The following INTS11 variants were observed in gnomAD, a reference collection of about 807,000 sequenced individuals.
INTS11 encodes CPSF3-like protein.
A neutral mutation model predicts 78.6 loss-of-function variants in INTS11; 77 were observed. The observed-to-expected ratio is 0.98, with a 90% CI of 0.81 to 1.18. The LOEUF is 1.18. Among genes scored for constraint, INTS11 ranks in the 50% most tolerant of loss-of-function variants. INTS11 has a pLI of 0.00. For synonymous variants in INTS11, 441 were observed against 326.9 expected (o/e 1.35, Z -3.77); for missense variants, 875 against 825.9 (o/e 1.06, Z -0.73).
intron 1 of INTS11, chr1:1,322,889 T>C: frequency 2.4e-6 from 3 of 1,237,708 alleles, no homozygotes; most frequent in Non-Finnish European, 3.1e-6. Context: ...GCTTTGATGA[T>C]ACCTTGGCTG....
chr1:1,312,213 G>GCCCGGCCCCCCCCCCCCCC lies in INTS11; in HGVS notation c.1607+12_1607+13insGGGGGGGGGGGGGGCCGGG. 4.3e-6 allele frequency: 4 copies of GCCCGGCCCCCCCCCCCCCC among 934,522 alleles called. No individual in the cohort carries two copies. Among genetic ancestry groups the GCCCGGCCCCCCCCCCCCCC allele is most frequent in the Non-Finnish European group, 6.3e-6 (4 of 636,576 alleles). 57.9% of individuals were successfully genotyped at this position (934,522 alleles called of 1,614,324 possible). The stretch of plus-strand genomic sequence containing the variant: ...CCCAAGGGAGTGGGGGGGGGGCGGG[G>GCCCGGCCCCCCCCCCCCCC]CCGGGCGCCCACCTCTTGAGGTGGC... On this transcript the variant is annotated intron_variant, in intron 15 of 16. Transcript: ENST00000435064.
chr1:1,320,897 C>G, intron 2 of INTS11, 99 bp downstream of exon 2: 3 of 1,105,572 alleles, frequency 2.7e-6, no homozygotes, highest in Non-Finnish European at 4.2e-6. Flanking sequence ...AGCACAACCA[C>G]TGCTGCCCAC....
chr1:1,312,921 A>C lies in INTS11; in HGVS notation c.1160T>G (p.Met387Arg), dbSNP rs763060722. 7.4e-6 allele frequency: 12 copies of C among 1,612,222 alleles called. No homozygotes were observed. The highest frequency in any genetic ancestry group is 1.0e-5 in the Non-Finnish European group (12 of 1,179,542). Residue 387 changes from methionine to arginine, a missense_variant, in exon 12 of 17, where the codon ATG becomes AGG. Coordinates refer to ENST00000435064, the MANE Select transcript of INTS11 (RefSeq NM_017871.6). ...VLEVKMQVEY[M>R]SFSAHADAKG... is the part of the protein sequence containing the mutation. ...GGCGTCCGCGTGTGCGCTGAATGAC[A>C]TGTACTCCACCTGCATCTTGACCTC...
intron 3 of INTS11, chr1:1,320,159 C>T (rs976601409): frequency 8.0e-6 from 3 of 376,798 alleles, no homozygotes; most frequent in African/African-American, 2.1e-5. Context: ...ACTCTGGAAT[C>T]GCCAACAAGA....
Position 1,324,651 on chromosome 1 carries a change from G to A in INTS11, c.-43C>T, listed in dbSNP as rs1011817701. 3 of 1,594,056 alleles carry A rather than the reference G, an allele frequency of 1.9e-6. No homozygotes were observed. Among genetic ancestry groups the A allele is most frequent in the East Asian group, 2.4e-5 (1 of 42,462 alleles). On this transcript the variant is annotated 5_prime_UTR_variant, in exon 1 of 17. Transcript: ENST00000435064. Reference sequence around the variant, plus strand: ...CGGACCCGCGAGGCCCGCCTGCGGTGATGCACTGCGCAGGCGCAACCACCT... The same window carrying A: ...CGGACCCGCGAGGCCCGCCTGCGGTAATGCACTGCGCAGGCGCAACCACCT...
chr1:1,312,009 AC>A lies in INTS11; in HGVS notation c.1737+8del. The A allele has an allele frequency of 6.3e-7, 1 of 1,583,216 alleles. No individual in the cohort carries two copies. Among genetic ancestry groups the A allele is most frequent in the Non-Finnish European group, 8.6e-7 (1 of 1,164,912 alleles). ...TGTTGACCGCGGTGGGGTGGGGGTC[AC>A]CCCTTACCTGGTAGGTCCAGGAGAC... On this transcript the variant is annotated splice_region_variant and intron_variant, in intron 16 of 16. Transcript: ENST00000435064.
In INTS11 at chr1:1,312,893, C is replaced by T; in HGVS notation, c.1188G>A (p.Lys396=). Residue 396 remains lysine (K), a synonymous_variant, in exon 12 of 17, where the codon AAG becomes AAA. Coordinates refer to ENST00000435064, the MANE Select transcript of INTS11 (RefSeq NM_017871.6). ...YMSFSAHADA[K]GIMQLVGQAE... ...CCTGGCCCACCAGCTGCATGATGCCCTTGGCGTCCGCGTGTGCGCTGAATG... is the reference window on the plus strand; with the variant it reads ...CCTGGCCCACCAGCTGCATGATGCCTTTGGCGTCCGCGTGTGCGCTGAATG... 6.2e-7 allele frequency: 1 copy of T among 1,612,648 alleles called. No individual in the cohort carries two copies. Among genetic ancestry groups the T allele is most frequent in the East Asian group, 2.2e-5 (1 of 44,886 alleles).
chr1:1,321,824 G>A, intron 1 of INTS11: 1 of 1,060,838 alleles, frequency 9.4e-7, no homozygotes. Context: ...GGGCCCGAGA[G>A]GAAAGGGTCA....
rs1642255475 is a variant in INTS11 at position 1,312,347 on chromosome 1, C to T, written c.1486G>A (p.Glu496Lys). ...KDSNFRLVSS[E>K]QALKELGLAE... ...AGACCCAGCTCTTTGAGGGCTTGCT[C>T]TGAGGACACCAGCCGGAAGTTCTGT... Residue 496 changes from glutamate to lysine, a missense_variant, in exon 15 of 17, where the codon GAG becomes AAG. By Grantham distance (56) the Glu-to-Lys change is moderately conservative. Coordinates refer to ENST00000435064, the MANE Select transcript of INTS11 (RefSeq NM_017871.6). The T allele has an allele frequency of 6.4e-7, 1 of 1,563,164 alleles. No individual in the cohort carries two copies. Among genetic ancestry groups the T allele is most frequent in the Non-Finnish European group, 8.7e-7 (1 of 1,153,814 alleles).
intron 1 of INTS11, chr1:1,322,937 G>GT: frequency 2.2e-6 from 3 of 1,352,168 alleles, no homozygotes; most frequent in Non-Finnish European, 2.9e-6. Context: ...CAGATTGCGG[G>GT]TAATTGAAGC....
chr1:1,314,900 G>A lies in INTS11; in HGVS notation c.626C>T (p.Thr209Ile), dbSNP rs1311413682. Reference sequence around the variant, plus strand: ...CCGGCAGCGCTTGGAGTCACGGATGGTCGTGGCGTACGTGGACTCTGTGAT... The same window carrying A: ...CCGGCAGCGCTTGGAGTCACGGATGATCGTGGCGTACGTGGACTCTGTGAT... ...LLITESTYAT[T>I]IRDSKRCRER... Residue 209 changes from threonine (T) to isoleucine (I), a missense_variant, in exon 7 of 17, where the codon ACC becomes ATC. Thr to Ile is a moderately conservative substitution (Grantham distance 89). Transcript: ENST00000435064. The surrounding 1 kb of genome is among the most constrained non-coding windows in gnomAD (Gnocchi z 4.2). The A allele has an allele frequency of 1.2e-6, 2 of 1,613,116 alleles. No homozygotes were observed.
At chr1:1,318,728 G>A (rs1642761292) in intron 4 of INTS11, 4 of 472,936 alleles carry the variant, frequency 8.5e-6, no homozygotes, top group Non-Finnish European at 1.5e-5. Context: ...AAAATTAAAT[G>A]TTCCAAAATA....
rs756177938 is a variant in INTS11, at chr1:1,311,669, C to T, written c.*190G>A. 21 of 719,768 alleles carry T rather than the reference C, an allele frequency of 2.9e-5. No individual in the cohort carries two copies. Among genetic ancestry groups the T allele is most frequent in the Non-Finnish European group, 4.7e-5 (19 of 408,370 alleles). The allele number at this position is 719,768 out of a possible 1,614,324, so 44.6% of individuals were successfully genotyped here. On this transcript the variant is annotated 3_prime_UTR_variant, in exon 17 of 17. Transcript: ENST00000435064. ...GCCCTAACCAGGAATAAAGGCAAGA[C>T]AGCCTGGAGACCAGTTTGTTTCTTC...
chr1:1,314,776 C>G lies in INTS11; in HGVS notation c.702+48G>C, dbSNP rs536071578. The G allele has an allele frequency of 1.2e-4, 194 of 1,575,036 alleles. 2 individuals are homozygous for G. In the South Asian group the frequency reaches 2.0e-3, roughly 16 times the overall value. On this transcript the variant is annotated intron_variant, in intron 7 of 16. Transcript: ENST00000435064. The surrounding 1 kb of genome is among the most constrained non-coding windows in gnomAD (Gnocchi z 4.2). ...GGGCAGCCAAGCCTGCCAGAAAGAC[C>G]AGCCCAGCATGGCCGAGGGCCCATG...
chr1:1,314,270 C>T lies in INTS11; in HGVS notation c.767+31G>A. On this transcript the variant is annotated intron_variant, in intron 8 of 16. Transcript: ENST00000435064. This position sits in a 1 kb window ranked among gnomAD's most constrained non-coding sequence, Gnocchi z 4.2. ...GACTGTGTTCAGGCCGGGCCAGGGG[C>T]TCCTTAAAGAGCCGTCCTGGCGGCA... is the stretch of plus-strand genomic sequence containing the variant. 6.4e-7 allele frequency: 1 copy of T among 1,563,066 alleles called. No homozygotes were observed. Among genetic ancestry groups the T allele is most frequent in the Non-Finnish European group, 8.7e-7 (1 of 1,152,614 alleles).
At chr1:1,317,451 CAT>C (rs1642687331) in intron 4 of INTS11, 2 of 973,278 alleles carry the variant, frequency 2.1e-6, no homozygotes, top group South Asian at 9.5e-5. Flanking sequence ...CCATATGACA[CAT>C]AACCAGAAGA....
Position 1,319,210 on chromosome 1 carries a change from T to C in INTS11, c.429+86A>G, listed in dbSNP as rs761412087. ...TGGGCTCACCCTGAGGCCCCAGCCT[T>C]CCAGAAACTGTGTAGAACGGGCGGA... On this transcript the variant is annotated intron_variant, in intron 4 of 16. Transcript: ENST00000435064. 2.0e-5 allele frequency: 25 copies of C among 1,222,414 alleles called. 1 individual carries two copies. The highest frequency in any genetic ancestry group is 3.0e-5 in the Non-Finnish European group (25 of 823,324). 75.7% of individuals were successfully genotyped at this position (1,222,414 alleles called of 1,614,324 possible).
chr1:1,312,630 G>T lies in INTS11; in HGVS notation c.1365C>A (p.Gly455=), dbSNP rs770657441. The change falls in exon 13 of 17, where the codon GGC becomes GGA. Residue 455 remains glycine (G), a synonymous_variant. Transcript: ENST00000435064. ...TLPTSPSIPV[G]ISLGLLKREM... is the part of the protein sequence containing the mutation. ...CCCGCTTCAGCAGCCCCAGCGAGAT[G>T]CCTACGGGGATGCTGGGGCTTGTGG... The T allele has an allele frequency of 9.4e-6, 15 of 1,587,408 alleles. No individual in the cohort carries two copies. In the African/African-American group the frequency reaches 2.0e-4, roughly 21 times the overall value.
At position 1,319,365 on chromosome 1, in the gene INTS11, G is replaced by A. The variant is rs1015038108; in HGVS notation, c.360C>T (p.Phe120=). 6.8e-6 allele frequency: 11 copies of A among 1,613,428 alleles called. No individual in the cohort carries two copies. The highest frequency in any genetic ancestry group is 9.3e-6 in the Non-Finnish European group (11 of 1,180,024). ...IAVDKKGEAN[F]FTSQMIKDCM... ...AGTCTTTGATCATCTGGGAGGTGAAGAAGTTGGCCTCGCCCTTCTTGTCTA... is the reference window on the plus strand; with the variant it reads ...AGTCTTTGATCATCTGGGAGGTGAAAAAGTTGGCCTCGCCCTTCTTGTCTA... The change falls in exon 4 of 17, where the codon TTC becomes TTT. Residue 120 remains phenylalanine (F), a synonymous_variant. Transcript: ENST00000435064.
Sources: gnomAD v4.1 joint callset for allele counts on GRCh38, gnomAD v4.1.1 for gene constraint, Gnocchi (gnomAD v3.1) non-coding constraint, MANE v1.5 for transcripts, NCBI Gene and HGNC (gene_info 2026-07-23, HGNC 2026-07-21) for gene names.